KIAA0825: variants seen among roughly 807,000 people sequenced by gnomAD.
KIAA0825 encodes the protein uncharacterized protein KIAA0825.
Under a neutral mutation model 147.6 loss-of-function variants are expected in KIAA0825, and 119 were observed. The ratio of observed to expected loss-of-function variants is 0.81; its 90% CI spans 0.69 to 0.94. KIAA0825 has a LOEUF of 0.94. KIAA0825 is among the 40% of genes least tolerant of loss of function. The pLI is 0.00. For missense variants in KIAA0825, 1,381 were observed against 1,472.7 expected, an observed-to-expected ratio of 0.94 and a Z score of 1.02; for synonymous variants, 470 against 518.1, an observed-to-expected ratio of 0.91 and a Z score of 1.26.
intron 20 of KIAA0825, among the ~76,000 whole-genome samples, chr5:94,344,804 G>A (rs993097171): frequency 6.6e-6 from 1 of 152,170 alleles, no homozygotes; most frequent in African/African-American, 2.4e-5. Flanking sequence ...AAAGAAATAT[G>A]CCCAGTCACA....
chr5:94,576,450 C>T (rs572278924), intron 2 of KIAA0825, among the ~76,000 whole-genome samples: 12 of 151,980 alleles, frequency 7.9e-5, no homozygotes, highest in East Asian at 1.9e-4. Flanking sequence ...GGGAGTGGGA[C>T]GGTGGTTTTA....
At chr5:94,526,037 C>T (rs1208897953) in intron 3 of KIAA0825, among the ~76,000 whole-genome samples, 1 of 151,950 alleles carries the variant, frequency 6.6e-6, no homozygotes, top group Non-Finnish European at 1.5e-5. Flanking sequence ...TGTTGTCTGC[C>T]ACTCACCAAT....
chr5:94,523,672 A>G (rs1489446196), intron 4 of KIAA0825, among the ~76,000 whole-genome samples: 4 of 151,566 alleles, frequency 2.6e-5, no homozygotes, highest in African/African-American at 9.7e-5. Context: ...GATATATATC[A>G]TACCACAAAT....
intron 2 of KIAA0825, among the ~76,000 whole-genome samples, chr5:94,573,270 G>GTTTT (rs534638768): frequency 7.2e-5 from 9 of 124,890 alleles, no homozygotes; most frequent in South Asian, 5.2e-4. Flanking sequence ...CTTTTTAAGT[G>GTTTT]TTTTTTTTTT....
chr5:94,584,816 A>G (rs997874962), intron 1 of KIAA0825, among the ~76,000 whole-genome samples: 3 of 152,214 alleles, frequency 2.0e-5, no homozygotes, highest in Non-Finnish European at 4.4e-5. Flanking sequence ...CACAAAGGGA[A>G]GCCCATGAGA....
At chr5:94,379,844 CTTTTTTTTT>C (rs59886046) in intron 20 of KIAA0825, among the ~76,000 whole-genome samples, 8 of 55,720 alleles carry the variant, frequency 1.4e-4, no homozygotes, top group Non-Finnish European at 2.7e-4. Flanking sequence ...GTATTTTATT[CTTTTTTTTT>C]TTTTTTTTTT....
At chr5:94,593,855 T>C in intron 1 of KIAA0825, 1 of 357,512 alleles carries the variant, frequency 2.8e-6, no homozygotes, top group Non-Finnish European at 5.7e-6. Flanking sequence ...AACTGAGATG[T>C]CCATTCTGGC....
intron 20 of KIAA0825, among the ~76,000 whole-genome samples, chr5:94,311,479 T>C (rs2150206273): frequency 6.6e-6 from 1 of 151,712 alleles, no homozygotes; most frequent in Admixed American, 6.6e-5. Flanking sequence ...GCCACGCAAA[T>C]AGCAAAACTA....
chr5:94,155,812 T>C (rs1766989994), intron 20 of KIAA0825, among the ~76,000 whole-genome samples: 1 of 152,176 alleles, frequency 6.6e-6, no homozygotes, highest in Non-Finnish European at 1.5e-5. Flanking sequence ...CAGGTTTTAA[T>C]AACAACATGA....
intron 3 of KIAA0825, among the ~76,000 whole-genome samples, chr5:94,535,376 G>A (rs1326641019): frequency 1.3e-5 from 2 of 151,654 alleles, no homozygotes; most frequent in South Asian, 2.1e-4. Context: ...TGCGTGTGGC[G>A]GCGGGCACCT....
intron 2 of KIAA0825, among the ~76,000 whole-genome samples, chr5:94,538,102 T>C (rs1772462338): frequency 6.6e-6 from 1 of 152,236 alleles, no homozygotes; most frequent in South Asian, 2.1e-4. Flanking sequence ...TGCAATAAAT[T>C]AAATTCCCTG....
intron 14 of KIAA0825, among the ~76,000 whole-genome samples, chr5:94,417,835 A>G (rs1753670013): frequency 6.6e-6 from 1 of 152,194 alleles, no homozygotes; most frequent in African/African-American, 2.4e-5. Context: ...CAATTCTACA[A>G]ACAAATTTAT....
intron 20 of KIAA0825, among the ~76,000 whole-genome samples, chr5:94,262,612 G>A (rs776485187): frequency 3.9e-5 from 6 of 152,192 alleles, no homozygotes; most frequent in Admixed American, 6.5e-5. Context: ...AAAAGAGTAA[G>A]ATGGATCTTC....
chr5:94,573,761 G>C (rs1346304090), intron 2 of KIAA0825, among the ~76,000 whole-genome samples: 1 of 152,166 alleles, frequency 6.6e-6, no homozygotes, highest in Non-Finnish European at 1.5e-5. Flanking sequence ...GAAAGGCCTT[G>C]CAGGGCCATT....
intron 20 of KIAA0825, among the ~76,000 whole-genome samples, chr5:94,305,569 C>G (rs1778670962): frequency 6.6e-6 from 1 of 151,968 alleles, no homozygotes; most frequent in African/African-American, 2.4e-5. Flanking sequence ...GACAATGAAA[C>G]ACTGTGATAT....
intron 20 of KIAA0825, among the ~76,000 whole-genome samples, chr5:94,238,281 T>C (rs568131780): frequency 1.3e-5 from 2 of 152,308 alleles, no homozygotes; most frequent in South Asian, 4.1e-4. Context: ...AACTTTTCTA[T>C]AGGTTTGAAT....
intron 20 of KIAA0825, among the ~76,000 whole-genome samples, chr5:94,207,423 T>G (rs1192794295): frequency 2.0e-5 from 3 of 152,148 alleles, no homozygotes; most frequent in Non-Finnish European, 4.4e-5. Context: ...GCCAGAGATC[T>G]TTGGCACTCA....
chr5:94,288,223 C>T (rs914392657), intron 20 of KIAA0825, among the ~76,000 whole-genome samples: 24 of 152,214 alleles, frequency 1.6e-4, no homozygotes, highest in African/African-American at 5.3e-4. Context: ...GCTTTATCTT[C>T]CAGCAATTTA....
At chr5:94,557,260 T>C (rs906497333) in intron 2 of KIAA0825, among the ~76,000 whole-genome samples, 3 of 152,122 alleles carry the variant, frequency 2.0e-5, no homozygotes, top group Non-Finnish European at 4.4e-5. Context: ...TACAGGCACG[T>C]GCTACCATGC....
Sources: gnomAD v4.1 joint callset for allele counts (sites outside exome capture counted in the v4.1 genomes callset) on GRCh38, gnomAD v4.1.1 for gene constraint, MANE v1.5 for transcripts, NCBI Gene and HGNC (gene_info 2026-07-23, HGNC 2026-07-21) for gene names.